The following CD8B variants were observed in gnomAD, a reference collection of about 807,000 sequenced individuals.
CD8B encodes the protein T-cell surface glycoprotein CD8 beta chain.
Under a neutral mutation model 24.2 loss-of-function variants are expected in CD8B, and 6 were observed. The ratio of observed to expected loss-of-function variants is 0.25; its 90% confidence interval spans 0.14 to 0.49. The LOEUF (loss-of-function observed/expected upper bound fraction) is 0.49, where lower values mean the gene tolerates loss of function less well. CD8B is among the 20% of genes least tolerant of loss of function. The pLI is 0.98. For missense variants in CD8B, 196 were observed against 271.3 expected (o/e 0.72, Z 1.95); for synonymous variants, 84 against 108.3 (o/e 0.78, Z 1.39).
chr2:86,857,762 A>G (rs545152598), intron 2 of CD8B, among the ~76,000 whole-genome samples: 2 of 152,124 alleles, frequency 1.3e-5, no homozygotes, highest in Non-Finnish European at 2.9e-5. Context: ...GAGAAGCACA[A>G]TGCTCATCTC....
chr2:86,844,934 C>T lies in CD8B; in HGVS notation c.608G>A (p.Arg203His), dbSNP rs151294448. ...GTTATACACTTACTGTTTCATGAAACGAAGCCGGGCTCTCCTCCGCCGGCC... is the reference window on the plus strand; with the variant it reads ...GTTATACACTTACTGTTTCATGAAATGAAGCCGGGCTCTCCTCCGCCGGCC... Reference protein sequence around the residue: ...LCCRRRRARLRFMKQFYK With the variant: ...LCCRRRRARLHFMKQFYK Residue 203 changes from arginine to histidine, a missense_variant, in exon 5 of 6, where the codon CGT (arginine) becomes CAT (histidine). Arg to His is a conservative substitution (Grantham distance 29). Transcript: ENST00000390655. 4,116 of 1,555,910 alleles carry T rather than the reference C, an allele frequency of 2.6e-3. 102 individuals carry two copies. The African/African-American group carries it at 0.049, about 18-fold the overall frequency.
In CD8B at chr2:86,850,936, T is replaced by G. The variant is rs113436803; in HGVS notation, c.493+2061A>C. On this transcript the variant is annotated intron_variant, in intron 3 of 5. Coordinates refer to ENST00000390655, the MANE Select transcript of CD8B (RefSeq NM_004931.5). ...TGAAACCCTGCCTCTACTAAAAATATAAAAATTAGCCAAGCGTGGTGGTGG... is the reference window on the plus strand; with the variant it reads ...TGAAACCCTGCCTCTACTAAAAATAGAAAAATTAGCCAAGCGTGGTGGTGG... Among the ~76,000 whole-genome samples, 84 of 151,850 alleles carry G rather than the reference T, an allele frequency of 5.5e-4. 1 individual carries two copies. Among genetic ancestry groups the G allele is most frequent in the Non-Finnish European group, 1.0e-3 (69 of 67,912 alleles).
At position 86,833,052 on chromosome 2, in the gene CD8B, T is replaced by C. The variant is rs1398963014; in HGVS notation, c.620+11870A>G. 1.2e-5 allele frequency: 5 copies of C among 403,342 alleles called. No individual in the cohort carries two copies. The East Asian group carries it at 3.6e-4, about 29-fold the overall frequency. The allele number at this position is 403,342 out of a possible 1,614,324, so 25.0% of individuals were successfully genotyped here. A position where few individuals can be genotyped will look rare whatever the true frequency, so the allele number is the denominator to read the frequency against. On this transcript the variant is annotated intron_variant, in intron 5 of 5. Coordinates refer to the CD8B transcript ENST00000331469. ...CACCCTTCCTCTTGCTGCAGCCTCC[T>C]CACAGGGTCATAGGCACAGGAACAC... is the stretch of plus-strand genomic sequence containing the variant.
intron 3 of CD8B, among the ~76,000 whole-genome samples, chr2:86,851,784 G>A (rs896829850): frequency 1.3e-5 from 2 of 152,130 alleles, no homozygotes; most frequent in Non-Finnish European, 2.9e-5. Context: ...CCAGAAACAC[G>A]TTTGGGCTGA....
At position 86,839,854 on chromosome 2, in the gene CD8B, A is replaced by T. The variant is rs1050317619; in HGVS notation, c.*2453T>A. Among the ~76,000 whole-genome samples the T allele has an allele frequency of 6.6e-6, 1 of 152,182 alleles. No homozygotes were observed. The highest frequency in any genetic ancestry group is 2.4e-5 in the African/African-American group (1 of 41,446). ...GCAGACCATGTGCACTGCAGGCCTT[A>T]ATCTCTTATTTGTTTGTGATGGGCC... On this transcript the variant is annotated 3_prime_UTR_variant, in exon 6 of 6. Coordinates refer to ENST00000390655, the MANE Select transcript of CD8B (RefSeq NM_004931.5).
intron 2 of CD8B, among the ~76,000 whole-genome samples, chr2:86,854,846 C>T (rs1394981742): frequency 5.3e-5 from 8 of 151,844 alleles, no homozygotes; most frequent in East Asian, 3.9e-4. Context: ...TAAGGCTGGG[C>T]GCGGTGACTC....
chr2:86,817,134 A>G (rs1216072744), intron 5 of CD8B, among the ~76,000 whole-genome samples: 1 of 152,246 alleles, frequency 6.6e-6, no homozygotes, highest in Non-Finnish European at 1.5e-5. Flanking sequence ...AATTAGCAAA[A>G]TGAACAAGAC....
rs371965937 is a variant in CD8B at position 86,858,341 on chromosome 2, G to A, written c.119C>T (p.Ser40Phe). The change falls in exon 2 of 6, where the codon TCC becomes TTC. Residue 40 changes from serine to phenylalanine, a missense_variant. Coordinates refer to ENST00000390655, the MANE Select transcript of CD8B (RefSeq NM_004931.5). Reference sequence around the variant, plus strand: ...ACTGAGGGAGATTTTAGCCTCGCAGGACAGCATCACCATCTTGTTGGTTTG... The same window carrying A: ...ACTGAGGGAGATTTTAGCCTCGCAGAACAGCATCACCATCTTGTTGGTTTG... ...KVQTNKMVML[S>F]CEAKISLSNM... 3.1e-6 allele frequency: 5 copies of A among 1,613,802 alleles called. No homozygotes were observed. Among genetic ancestry groups the A allele is most frequent in the Non-Finnish European group, 4.2e-6 (5 of 1,179,866 alleles).
chr2:86,840,245 G>T lies in CD8B; in HGVS notation c.*2062C>A, dbSNP rs1182126023. On this transcript the variant is annotated 3_prime_UTR_variant, in exon 6 of 6. Coordinates refer to ENST00000390655, the MANE Select transcript of CD8B (RefSeq NM_004931.5). Reference sequence around the variant, plus strand: ...AGAAACACCTACGTCTGGGGGCAGGGAATCTGAGGCCAATTTGTGCTGACT... The same window carrying T: ...AGAAACACCTACGTCTGGGGGCAGGTAATCTGAGGCCAATTTGTGCTGACT... 2.0e-5 allele frequency among the ~76,000 whole-genome samples: 3 copies of T among 152,016 alleles called. No homozygotes were observed. The highest frequency in any genetic ancestry group is 2.9e-5 in the Non-Finnish European group (2 of 67,990).
intron 5 of CD8B, among the ~76,000 whole-genome samples, chr2:86,817,564 C>T (rs1191161132): frequency 3.9e-5 from 6 of 151,910 alleles, no homozygotes; most frequent in Non-Finnish European, 1.5e-5. Flanking sequence ...AAAATAAAAG[C>T]ACATGCCATA....
chr2:86,821,167 A>G (rs1382308855), intron 5 of CD8B, among the ~76,000 whole-genome samples: 2 of 150,808 alleles, frequency 1.3e-5, no homozygotes, highest in East Asian at 3.9e-4. Context: ...CAAATAATCC[A>G]ATAACTTTGA....
At chr2:86,855,102 C>G (rs1676168437) in intron 2 of CD8B, among the ~76,000 whole-genome samples, 1 of 149,534 alleles carries the variant, frequency 6.7e-6, no homozygotes, top group Admixed American at 6.7e-5. Flanking sequence ...GCCTGGGTGA[C>G]AGTGACTCCG....
intron 5 of CD8B, among the ~76,000 whole-genome samples, chr2:86,831,744 G>A (rs1271667482): frequency 3.9e-5 from 6 of 152,154 alleles, no homozygotes; most frequent in Non-Finnish European, 7.3e-5. Context: ...AGGGAGACAC[G>A]GGTGGTCAAA....
Position 86,842,242 on chromosome 2 carries a change from TCCACATCG to T in CD8B, c.*57_*64del. ...TTGAATGTGTCCCTTCTCTCATTTT[TCCACATCG>T]TGCTCGTTACTGACCGATGTCTTTT... On this transcript the variant is annotated 3_prime_UTR_variant, in exon 6 of 6. Coordinates refer to ENST00000390655, the MANE Select transcript of CD8B (RefSeq NM_004931.5). 1 of 1,525,428 alleles carries T rather than the reference TCCACATCG, an allele frequency of 6.6e-7. No homozygotes were observed. The highest frequency in any genetic ancestry group is 1.3e-5 in the South Asian group (1 of 75,256). 94.5% of individuals were successfully genotyped at this position (1,525,428 alleles called of 1,614,324 possible).
At position 86,842,336 on chromosome 2, in the gene CD8B, G is replaced by T; in HGVS notation, c.621-17C>A. On this transcript the variant is annotated splice_polypyrimidine_tract_variant and intron_variant, in intron 5 of 5. Transcript: ENST00000390655. The stretch of plus-strand genomic sequence containing the variant: ...TTGTAAAATCTGAAAACAACAGCAA[G>T]TTGTGAAACCACTTATTTTCAGGCA... 1 of 1,561,564 alleles carries T rather than the reference G, an allele frequency of 6.4e-7. No homozygotes were observed. Among genetic ancestry groups the T allele is most frequent in the South Asian group, 1.2e-5 (1 of 83,344 alleles).
At chr2:86,820,652 T>C (rs1194630316) in intron 5 of CD8B, among the ~76,000 whole-genome samples, 1 of 152,208 alleles carries the variant, frequency 6.6e-6, no homozygotes, top group Non-Finnish European at 1.5e-5. Flanking sequence ...TATTGTGATA[T>C]TTGCTTTATT....
intron 2 of CD8B, among the ~76,000 whole-genome samples, chr2:86,856,572 G>C (rs1040940372): frequency 7.2e-5 from 11 of 151,962 alleles, no homozygotes; most frequent in African/African-American, 2.4e-4. Flanking sequence ...TCCTCACGCT[G>C]AGTGGTCTAA....
chr2:86,821,374 G>T (rs1468096471), intron 5 of CD8B, among the ~76,000 whole-genome samples: 1 of 152,070 alleles, frequency 6.6e-6, no homozygotes, highest in Non-Finnish European at 1.5e-5. Flanking sequence ...CTCGTTCTGC[G>T]GTTAAGAAAC....
At chr2:86,822,806 T>C (rs1341136856) in intron 5 of CD8B, among the ~76,000 whole-genome samples, 1 of 152,240 alleles carries the variant, frequency 6.6e-6, no homozygotes, top group Non-Finnish European at 1.5e-5. Context: ...CCTTCAGCAC[T>C]GGACTTTTTG....
Sources: allele counts gnomAD v4.1 joint callset (sites outside exome capture counted in the v4.1 genomes callset), GRCh38; gene constraint gnomAD v4.1.1; transcripts MANE v1.5; gene names NCBI Gene and HGNC (gene_info 2026-07-23, HGNC 2026-07-21).